The following MCTP1 variants were observed in gnomAD, a reference collection of about 807,000 sequenced individuals.
MCTP1 encodes the protein multiple C2 and transmembrane domain containing 1.
In MCTP1, 69 loss-of-function variants were observed where a neutral mutation model predicts 120.6. That is an observed-to-expected ratio of 0.57 (90% CI 0.47 to 0.70). The LOEUF is 0.70. Among genes scored for constraint, MCTP1 ranks in the 30% least tolerant of loss-of-function variants. MCTP1 has a pLI of 0.00. For missense variants in MCTP1, 1,203 were observed against 1,248.8 expected (o/e 0.96, Z 0.55); for synonymous variants, 529 against 493.1 (o/e 1.07, Z -0.96).
At chr5:95,087,721 G>A (rs1275420031) in intron 1 of MCTP1, among the ~76,000 whole-genome samples, 1 of 152,216 alleles carries the variant, frequency 6.6e-6, no homozygotes, top group Admixed American at 6.5e-5. Flanking sequence ...AAACACTGGG[G>A]TAGGGTGCTA....
intron 1 of MCTP1, among the ~76,000 whole-genome samples, chr5:95,109,758 G>T (rs938461805): frequency 6.6e-6 from 1 of 152,174 alleles, no homozygotes; most frequent in African/African-American, 2.4e-5. Flanking sequence ...ATTACATTCT[G>T]CTGTAGGTTA....
chr5:95,218,309 C>T (rs1330580375), intron 1 of MCTP1, among the ~76,000 whole-genome samples: 5 of 152,186 alleles, frequency 3.3e-5, no homozygotes, highest in African/African-American at 9.7e-5. Context: ...TGTTGTTCAA[C>T]ACTACATACC....
At chr5:95,044,322 C>T (rs773119689) in intron 1 of MCTP1, among the ~76,000 whole-genome samples, 2 of 152,228 alleles carry the variant, frequency 1.3e-5, no homozygotes, top group Non-Finnish European at 2.9e-5. Flanking sequence ...AGTGTCCTGG[C>T]TTTTTCTCTC....
At chr5:94,900,015 T>C (rs1805092221) in intron 10 of MCTP1, among the ~76,000 whole-genome samples, 1 of 152,162 alleles carries the variant, frequency 6.6e-6, no homozygotes, top group Non-Finnish European at 1.5e-5. Flanking sequence ...AACTTGACCA[T>C]GTCCCTCCCT....
At chr5:95,262,458 G>A (rs1758549527) in intron 1 of MCTP1, among the ~76,000 whole-genome samples, 1 of 151,990 alleles carries the variant, frequency 6.6e-6, no homozygotes, top group African/African-American at 2.4e-5. Flanking sequence ...GGAAATGTGA[G>A]GAAATCAGAC....
chr5:95,041,174 A>G (rs949252558), intron 1 of MCTP1, among the ~76,000 whole-genome samples: 1 of 152,128 alleles, frequency 6.6e-6, no homozygotes, highest in Non-Finnish European at 1.5e-5. Context: ...CAACAAACCT[A>G]AGAAATAATT....
chr5:95,075,618 T>C (rs1442289700), intron 1 of MCTP1, among the ~76,000 whole-genome samples: 1 of 152,222 alleles, frequency 6.6e-6, no homozygotes, highest in African/African-American at 2.4e-5. Context: ...AAAAAACACC[T>C]AGATGGAGAC....
intron 1 of MCTP1, among the ~76,000 whole-genome samples, chr5:95,160,454 C>CTG (rs1745596363): frequency 6.6e-6 from 1 of 152,166 alleles, no homozygotes; most frequent in African/African-American, 2.4e-5. Context: ...GTTCTAGGCA[C>CTG]TGTTTTTGGA....
intron 10 of MCTP1, among the ~76,000 whole-genome samples, chr5:94,901,009 A>G (rs890587760): frequency 1.3e-5 from 2 of 152,266 alleles, no homozygotes; most frequent in Admixed American, 1.3e-4. Context: ...TCATCAATTA[A>G]TGAATCAACA....
At chr5:94,862,221 T>C (rs1367893019) in intron 17 of MCTP1, among the ~76,000 whole-genome samples, 1 of 151,834 alleles carries the variant, frequency 6.6e-6, no homozygotes, top group Non-Finnish European at 1.5e-5. Flanking sequence ...ATAGGAAACA[T>C]GAGTTTCCTC....
chr5:94,992,470 C>CA (rs1308029530), intron 2 of MCTP1, among the ~76,000 whole-genome samples: 1 of 152,142 alleles, frequency 6.6e-6, no homozygotes, highest in Non-Finnish European at 1.5e-5. Context: ...GGTCTGACAC[C>CA]AGACCTGTGC....
intron 1 of MCTP1, among the ~76,000 whole-genome samples, chr5:95,065,234 T>C (rs765319517): frequency 5.0e-4 from 76 of 152,042 alleles, no homozygotes; most frequent in Non-Finnish European, 1.0e-3. Context: ...CAAATTATTA[T>C]GTAGCATAAA....
At chr5:94,918,583 A>C (rs1349843779) in intron 7 of MCTP1, among the ~76,000 whole-genome samples, 1 of 152,196 alleles carries the variant, frequency 6.6e-6, no homozygotes, top group Non-Finnish European at 1.5e-5. Flanking sequence ...TGGATTAAGA[A>C]AGATATAGCT....
intron 1 of MCTP1, among the ~76,000 whole-genome samples, chr5:95,260,700 A>T (rs1034602520): frequency 6.6e-6 from 1 of 152,018 alleles, no homozygotes; most frequent in Non-Finnish European, 1.5e-5. Context: ...TTTGCTTATT[A>T]TATCTATATT....
At chr5:94,876,675 T>A (rs1798939229) in intron 12 of MCTP1, among the ~76,000 whole-genome samples, 1 of 152,036 alleles carries the variant, frequency 6.6e-6, no homozygotes, top group South Asian at 2.1e-4. Context: ...AGTCAATCCC[T>A]CTCCCTAGCA....
intron 7 of MCTP1, among the ~76,000 whole-genome samples, chr5:94,922,200 T>C (rs1811840303): frequency 6.6e-6 from 1 of 152,246 alleles, no homozygotes; most frequent in East Asian, 1.9e-4. Context: ...GCACATTTGT[T>C]ATTCTAGGAT....
At chr5:94,835,947 T>G (rs1362329992) in intron 17 of MCTP1, among the ~76,000 whole-genome samples, 5 of 152,036 alleles carry the variant, frequency 3.3e-5, no homozygotes, top group Non-Finnish European at 7.4e-5. Context: ...GAGATTGCAG[T>G]GAGCTGAGAT....
chr5:95,240,895 TTCTC>T (rs141005060), intron 1 of MCTP1, among the ~76,000 whole-genome samples: 3 of 151,542 alleles, frequency 2.0e-5, no homozygotes, highest in South Asian at 4.2e-4. Context: ...TTTTGTTGTC[TTCTC>T]TCTCTCTCTC....
intron 17 of MCTP1, among the ~76,000 whole-genome samples, chr5:94,801,713 A>C (rs1561660262): frequency 6.6e-6 from 1 of 152,176 alleles, no homozygotes. Flanking sequence ...TCCTCGTCTT[A>C]TTCAGAATGA....
Sources: gnomAD v4.1 joint callset for allele counts (sites outside exome capture counted in the v4.1 genomes callset) on GRCh38, gnomAD v4.1.1 for gene constraint, MANE v1.5 for transcripts, NCBI Gene and HGNC (gene_info 2026-07-23, HGNC 2026-07-21) for gene names.